Variants in PRKAG2 observed in about 807,000 individuals in gnomAD.
The protein encoded by PRKAG2 is protein kinase AMP-activated non-catalytic subunit gamma 2, also known as 5'-AMP-activated protein kinase subunit gamma-2.
In PRKAG2, 26 loss-of-function variants were observed where a neutral mutation model predicts 69.6. The ratio of observed to expected loss-of-function variants is 0.37; its 90% CI spans 0.27 to 0.52. PRKAG2 has a LOEUF of 0.52. Ranked by LOEUF, PRKAG2 falls within the 20% of genes least tolerant of loss-of-function variation. The pLI, the probability that PRKAG2 is intolerant of heterozygous loss-of-function variation, is 0.90. For missense variants in PRKAG2, 557 were observed against 740.0 expected (o/e 0.75, Z 2.87); for synonymous variants, 293 against 285.0 (o/e 1.03, Z -0.28).
At chr7:151,866,702 C>T (rs2080087299) in intron 1 of PRKAG2, among the ~76,000 whole-genome samples, 1 of 152,156 alleles carries the variant, frequency 6.6e-6, no homozygotes, top group Non-Finnish European at 1.5e-5. Flanking sequence ...AAGCCCACCA[C>T]CCCATGGCTG....
At chr7:151,861,650 C>T (rs973496684) in intron 1 of PRKAG2, among the ~76,000 whole-genome samples, 1 of 152,066 alleles carries the variant, frequency 6.6e-6, no homozygotes, top group African/African-American at 2.4e-5. Context: ...AGGGTCGGTC[C>T]TCCCATGGGC....
At chr7:151,612,217 C>T (rs1198161851) in intron 5 of PRKAG2, among the ~76,000 whole-genome samples, 1 of 152,160 alleles carries the variant, frequency 6.6e-6, no homozygotes, top group Non-Finnish European at 1.5e-5. Flanking sequence ...CCCAGGATGC[C>T]CATCCTCTGC....
At chr7:151,558,277 C>T (rs760025828) in intron 15 of PRKAG2, 2 of 985,478 alleles carry the variant, frequency 2.0e-6, no homozygotes, top group Non-Finnish European at 2.4e-6. Flanking sequence ...ACCACTAGTA[C>T]CTTCTAATCG....
At position 151,814,551 on chromosome 7, in the gene PRKAG2, T is replaced by C. The variant is rs368184079; in HGVS notation, c.115-28010A>G. 6.5e-6 allele frequency: 8 copies of C among 1,231,656 alleles called. No individual in the cohort carries two copies. In the East Asian group the frequency reaches 1.6e-4, roughly 24 times the overall value. The allele number at this position is 1,231,656 out of a possible 1,614,324, so 76.3% of individuals were successfully genotyped here. A position where few individuals can be genotyped will look rare whatever the true frequency, so the allele number is the denominator to read the frequency against. ...GCTCTGACAAATCCTGCTGCCTCAC[T>C]CGAAAGGTCCATCAGAGAAGGGGTT... On this transcript the variant is annotated intron_variant, in intron 1 of 15. Transcript: ENST00000287878. The surrounding 1 kb of genome is among the most constrained non-coding windows in gnomAD (Gnocchi z 4.8).
intron 3 of PRKAG2, among the ~76,000 whole-genome samples, chr7:151,687,273 C>G (rs1585765469): frequency 6.6e-6 from 1 of 152,266 alleles, no homozygotes; most frequent in Middle Eastern, 3.4e-3. Flanking sequence ...CTAGATACTT[C>G]GCTTGGGCAA....
intron 3 of PRKAG2, among the ~76,000 whole-genome samples, chr7:151,722,581 C>T (rs1797290647): frequency 6.6e-6 from 1 of 152,116 alleles, no homozygotes; most frequent in African/African-American, 2.4e-5. Context: ...TAGACTTTAG[C>T]AGGTGAGTGG....
chr7:151,863,653 C>G (rs143560817), intron 1 of PRKAG2, among the ~76,000 whole-genome samples: 1 of 152,214 alleles, frequency 6.6e-6, no homozygotes, highest in Non-Finnish European at 1.5e-5. Flanking sequence ...CGGTGGCTCA[C>G]GCCTGCAATC....
At chr7:151,605,596 G>C (rs887783752) in intron 5 of PRKAG2, among the ~76,000 whole-genome samples, 1 of 150,962 alleles carries the variant, frequency 6.6e-6, no homozygotes. Flanking sequence ...AATTAGCTGT[G>C]CATAGTGGTG....
chr7:151,598,860 T>TC (rs1299715465), intron 5 of PRKAG2, among the ~76,000 whole-genome samples: 2 of 151,950 alleles, frequency 1.3e-5, no homozygotes, highest in Non-Finnish European at 2.9e-5. Context: ...TTATGTATTT[T>TC]TTTTTTTTGA....
In PRKAG2 at chr7:151,686,434, A is replaced by T. The variant is rs139875483; in HGVS notation, c.467-10797T>A. On this transcript the variant is annotated intron_variant, in intron 3 of 15. Coordinates refer to ENST00000287878, the MANE Select transcript of PRKAG2 (RefSeq NM_016203.4). The stretch of plus-strand genomic sequence containing the variant: ...TTCCCTTCCTTCTGAGTTCCCAGCC[A>T]CCTGCTTGGACTCTGATAGGAATGA... Among the ~76,000 whole-genome samples, 518 of 152,088 alleles carry T rather than the reference A, an allele frequency of 3.4e-3. 3 individuals are homozygous for T. The highest frequency in any genetic ancestry group is 0.012 in the African/African-American group (495 of 41,484).
At chr7:151,710,631 C>T (rs1795140383) in intron 3 of PRKAG2, among the ~76,000 whole-genome samples, 1 of 152,224 alleles carries the variant, frequency 6.6e-6, no homozygotes, top group Non-Finnish European at 1.5e-5. Context: ...GTGAGGCCTC[C>T]CTAAGCATAC....
rs1026645412 is a variant in PRKAG2, at chr7:151,828,766, A to G, written c.115-42225T>C. 1.3e-4 allele frequency among the ~76,000 whole-genome samples: 20 copies of G among 152,038 alleles called. No individual in the cohort carries two copies. Among genetic ancestry groups the G allele is most frequent in the African/African-American group, 3.1e-4 (13 of 41,402 alleles). On this transcript the variant is annotated intron_variant, in intron 1 of 15. Transcript: ENST00000287878. The surrounding 1 kb of genome is among the most constrained non-coding windows in gnomAD (Gnocchi z 4.6). The stretch of plus-strand genomic sequence containing the variant: ...CGAGACCCTGTCTTTACAAAAAAAA[A>G]AAAAACTTTAAAAGTCAGTGGGGCA...
At chr7:151,838,907 C>T (rs1361896395) in intron 1 of PRKAG2, among the ~76,000 whole-genome samples, 2 of 150,544 alleles carry the variant, frequency 1.3e-5, no homozygotes, top group East Asian at 2.0e-4. Flanking sequence ...TCCAGCTACT[C>T]GAGAGGCTTA....
intron 1 of PRKAG2, among the ~76,000 whole-genome samples, chr7:151,823,976 A>C (rs754559432): frequency 2.0e-5 from 3 of 152,228 alleles, no homozygotes; most frequent in Non-Finnish European, 2.9e-5. Context: ...AAAGACGGGG[A>C]AACAGGCATA....
chr7:151,684,551 G>A (rs576728833), intron 3 of PRKAG2, among the ~76,000 whole-genome samples: 61 of 152,134 alleles, frequency 4.0e-4, no homozygotes, highest in Non-Finnish European at 4.7e-4. Context: ...GATAAGGCCC[G>A]TATTCAGTAT....
intron 1 of PRKAG2, among the ~76,000 whole-genome samples, chr7:151,860,214 C>A (rs1418088674): frequency 6.6e-6 from 1 of 152,238 alleles, no homozygotes; most frequent in East Asian, 1.9e-4. Flanking sequence ...CTCCGTGGAG[C>A]CCCTCCTGCT....
intron 6 of PRKAG2, among the ~76,000 whole-genome samples, chr7:151,576,798 G>A (rs1355288903): frequency 1.3e-5 from 2 of 152,112 alleles, no homozygotes; most frequent in African/African-American, 2.4e-5. Flanking sequence ...ACCGCACCTG[G>A]CCAGAAAAAT....
intron 1 of PRKAG2, among the ~76,000 whole-genome samples, chr7:151,844,939 G>T (rs61243831): frequency 0.012 from 1,831 of 151,978 alleles, 42 homozygotes; most frequent in African/African-American, 0.042. Flanking sequence ...TCCCCAGCCC[G>T]GCAAACCTCC....
At chr7:151,801,798 A>C (rs2077851537) in intron 1 of PRKAG2, among the ~76,000 whole-genome samples, 1 of 152,240 alleles carries the variant, frequency 6.6e-6, no homozygotes, top group South Asian at 2.1e-4. Flanking sequence ...CTGCTGCGCC[A>C]GCTGGGAGTC....
Sources: gnomAD v4.1 joint callset for allele counts (sites outside exome capture counted in the v4.1 genomes callset) on GRCh38, gnomAD v4.1.1 for gene constraint, Gnocchi (gnomAD v3.1) non-coding constraint, MANE v1.5 for transcripts, NCBI Gene and HGNC (gene_info 2026-07-23, HGNC 2026-07-21) for gene names.